The following GRHL1 variants were observed in gnomAD, a reference collection of about 807,000 sequenced individuals.
GRHL1 encodes the protein grainyhead-like protein 1 homolog.
GRHL1 carries 38 observed loss-of-function variants against 75.7 expected under a neutral mutation model. That is an observed-to-expected ratio of 0.50 (90% confidence interval 0.39 to 0.66). The LOEUF (loss-of-function observed/expected upper bound fraction) is 0.66. GRHL1 is among the 30% of genes least tolerant of loss of function. The pLI is 0.00. For missense variants in GRHL1, 589 were observed against 767.5 expected (o/e 0.77, Z 2.75); for synonymous variants, 266 against 279.4 (o/e 0.95, Z 0.48).
Position 9,995,950 on chromosome 2 carries a change from G to C in GRHL1, c.1571G>C (p.Arg524Pro). The C allele has an allele frequency of 6.2e-7, 1 of 1,606,416 alleles. No homozygotes were observed. Among genetic ancestry groups the C allele is most frequent in the Non-Finnish European group, 8.5e-7 (1 of 1,172,896 alleles). The change falls in exon 13 of 16, where the codon CGG (arginine) becomes CCG (proline). Residue 524 changes from arginine to proline, a missense_variant. Transcript: ENST00000324907. ...FAVPPSTKLA[R>P]IEEPKRVLLY... ...GTCCCTCCTTCTACCAAGCTGGCCC[G>C]GATAGAAGAACCAAAGAGAGGTGTG...
intron 8 of GRHL1, among the ~76,000 whole-genome samples, chr2:9,984,457 C>G (rs140173176): frequency 6.4e-4 from 97 of 152,312 alleles, no homozygotes; most frequent in African/African-American, 2.2e-3. Context: ...TTTTTAAAAT[C>G]CACAGTGATA....
Position 9,961,049 on chromosome 2 carries a change from C to A in GRHL1, c.282C>A (p.Asn94Lys). ...AAGCAGTTTTCTTTTCTTAAAGAAA[C>A]AGCATACCAATTGTGACAGAGCAGC... ...EHPEPDHSKRNSIPIVTEQPL... is the reference protein window; with the variant it reads ...EHPEPDHSKRKSIPIVTEQPL... Residue 94 changes from asparagine to lysine, a missense_variant, in exon 4 of 16, where the codon AAC becomes AAA. This residue lies in a region of GRHL1 where 362 missense variants were observed against 461.8 expected (regional missense o/e 0.78). Coordinates refer to ENST00000324907, the MANE Select transcript of GRHL1 (RefSeq NM_198182.3). 2.0e-6 allele frequency: 3 copies of A among 1,535,498 alleles called. No homozygotes were observed. The highest frequency in any genetic ancestry group is 1.4e-5 in the African/African-American group (1 of 72,366).
intron 8 of GRHL1, among the ~76,000 whole-genome samples, chr2:9,975,420 C>T (rs776191513): frequency 6.6e-6 from 1 of 152,170 alleles, no homozygotes; most frequent in Non-Finnish European, 1.5e-5. Flanking sequence ...CAGTGTATCT[C>T]AGGCAGTCTC....
intron 8 of GRHL1, 91 bp downstream of exon 8, chr2:9,965,472 A>G: frequency 1.4e-6 from 1 of 711,668 alleles, no homozygotes; most frequent in Admixed American, 2.3e-5. Flanking sequence ...TTTTTTTCAC[A>G]GTTTTATGTG....
At chr2:9,969,049 A>G (rs1428358970) in intron 8 of GRHL1, among the ~76,000 whole-genome samples, 1 of 152,246 alleles carries the variant, frequency 6.6e-6, no homozygotes, top group Admixed American at 6.5e-5. Context: ...CAGTATTTCC[A>G]AAACAAGCGA....
chr2:9,952,998 G>A, intron 1 of GRHL1: 1 of 456,746 alleles, frequency 2.2e-6, no homozygotes, highest in South Asian at 1.5e-5. Flanking sequence ...GTGATGATGA[G>A]CCTTCGGCGA....
intron 8 of GRHL1, among the ~76,000 whole-genome samples, chr2:9,981,466 T>G (rs1668193763): frequency 6.6e-6 from 1 of 152,266 alleles, no homozygotes; most frequent in East Asian, 1.9e-4. Flanking sequence ...GAGGATGGTT[T>G]AGATCACTGG....
rs146261147 is a variant in GRHL1, at chr2:9,962,662, T to C, written c.746+131T>C. 6.2e-3 allele frequency: 3,996 copies of C among 642,854 alleles called. 24 individuals are homozygous for C. The highest frequency in any genetic ancestry group is 9.2e-3 in the Non-Finnish European group (3,249 of 353,634). 39.8% of individuals were successfully genotyped at this position (642,854 alleles called of 1,614,324 possible). On this transcript the variant is annotated intron_variant, in intron 5 of 15. Transcript: ENST00000324907. ...TCTTACTACTTTTACTGTGGTACAG[T>C]CTTGGGTAGAGGACATCTGCTTCAG...
At chr2:9,979,028 T>C (rs1668076545) in intron 8 of GRHL1, among the ~76,000 whole-genome samples, 1 of 149,502 alleles carries the variant, frequency 6.7e-6, no homozygotes, top group African/African-American at 2.5e-5. Flanking sequence ...GATGTAGTGG[T>C]GCGCGCCTGT....
At chr2:9,956,503 G>C (rs1667028568) in intron 2 of GRHL1, among the ~76,000 whole-genome samples, 2 of 150,530 alleles carry the variant, frequency 1.3e-5, no homozygotes, top group Non-Finnish European at 2.9e-5. Flanking sequence ...TCCAGCCTGG[G>C]TGACAGAGAC....
intron 10 of GRHL1, among the ~76,000 whole-genome samples, chr2:9,991,322 C>T (rs2125241397): frequency 6.6e-6 from 1 of 152,198 alleles, no homozygotes; most frequent in South Asian, 2.1e-4. Context: ...AGGGTTCCAT[C>T]TGTAGTACAT....
At chr2:10,000,252 C>G (rs1669211481) in intron 15 of GRHL1, among the ~76,000 whole-genome samples, 1 of 152,222 alleles carries the variant, frequency 6.6e-6, no homozygotes, top group South Asian at 2.1e-4. Flanking sequence ...TCCCAAAGTG[C>G]TGGCATCACA....
intron 8 of GRHL1, among the ~76,000 whole-genome samples, chr2:9,974,952 A>C (rs1667885581): frequency 6.6e-6 from 1 of 152,236 alleles, no homozygotes; most frequent in Admixed American, 6.5e-5. Flanking sequence ...GTGGACTTTC[A>C]GCTGAGGGAA....
chr2:9,961,498 C>G, intron 4 of GRHL1, 62 bp downstream of exon 4: 1 of 1,441,654 alleles, frequency 6.9e-7, no homozygotes, highest in Non-Finnish European at 9.4e-7. Flanking sequence ...TGGGTTCCAC[C>G]TTTTCCTTGT....
Position 9,965,357 on chromosome 2 carries a change from A to T in GRHL1, c.1086A>T (p.Thr362=). The T allele has an allele frequency of 6.2e-7, 1 of 1,608,622 alleles. No individual in the cohort carries two copies. Among genetic ancestry groups the T allele is most frequent in the Non-Finnish European group, 8.5e-7 (1 of 1,174,978 alleles). Residue 362 remains threonine (T), a synonymous_variant, in exon 8 of 16, where the codon ACA becomes ACT. Transcript: ENST00000324907. ...EEIAYNAISF[T]WDINDEAKVF... Reference sequence around the variant, plus strand: ...TTGCGTATAACGCCATTTCCTTCACATGGGACATCAACGATGAAGCAAAGG... The same window carrying T: ...TTGCGTATAACGCCATTTCCTTCACTTGGGACATCAACGATGAAGCAAAGG...
intron 4 of GRHL1, 47 bp from the exon 5 acceptor site, chr2:9,962,408 C>A: frequency 1.9e-6 from 2 of 1,046,470 alleles, no homozygotes; most frequent in Non-Finnish European, 3.0e-6. Flanking sequence ...CTTTAGTAAG[C>A]ATGATAACCA....
chr2:9,956,359 T>TAA (rs1310930716), intron 2 of GRHL1, among the ~76,000 whole-genome samples: 2 of 151,862 alleles, frequency 1.3e-5, no homozygotes, highest in African/African-American at 4.8e-5. Flanking sequence ...AATAAATAAA[T>TAA]AAAAAAATAC....
At position 9,998,965 on chromosome 2, in the gene GRHL1, A is replaced by G; in HGVS notation, c.1678A>G (p.Ile560Val). Residue 560 changes from isoleucine (I) to valine (V), a missense_variant and splice_region_variant, in exon 15 of 16, where the codon ATC (isoleucine) becomes GTC (valine). By Grantham distance (29) the Ile-to-Val change is conservative. This residue lies in a region of GRHL1 where 192 missense variants were observed against 226.6 expected (regional missense o/e 0.85). Coordinates refer to ENST00000324907, the MANE Select transcript of GRHL1 (RefSeq NM_198182.3). ...TAATTATTTTTCTTTCCTCTTTTAG[A>G]TCTCAGACAAATACGATGTTCCCCA... is the stretch of plus-strand genomic sequence containing the variant. ...TPSLKGLMEAISDKYDVPHDK... is the reference protein window; with the variant it reads ...TPSLKGLMEAVSDKYDVPHDK... 6.5e-7 allele frequency: 1 copy of G among 1,546,576 alleles called. No individual in the cohort carries two copies. The highest frequency in any genetic ancestry group is 8.8e-7 in the Non-Finnish European group (1 of 1,135,106).
At chr2:9,994,993 A>G (rs1017050979) in intron 12 of GRHL1, among the ~76,000 whole-genome samples, 1 of 151,972 alleles carries the variant, frequency 6.6e-6, no homozygotes, top group African/African-American at 2.4e-5. Context: ...TCCAGTCTTG[A>G]CCACACACTT....
Sources: allele counts gnomAD v4.1 joint callset (sites outside exome capture counted in the v4.1 genomes callset), GRCh38; gene constraint gnomAD v4.1.1; regional missense constraint gnomAD v4.1.1; transcripts MANE v1.5; gene names NCBI Gene and HGNC (gene_info 2026-07-23, HGNC 2026-07-21).